The following CACNA2D3 variants were observed in gnomAD, a reference collection of about 807,000 sequenced individuals.
The protein encoded by CACNA2D3 is calcium voltage-gated channel auxiliary subunit alpha2delta 3.
CACNA2D3 carries 60 observed loss-of-function variants against 160.6 expected under a neutral mutation model. The ratio of observed to expected loss-of-function variants is 0.37; its 90% CI spans 0.30 to 0.46. The LOEUF is 0.46. Among genes scored for constraint, CACNA2D3 ranks in the 20% least tolerant of loss-of-function variants. The probability of loss-of-function intolerance (pLI) is 1.00; values close to 1 mark genes in which losing one functional copy is unlikely to be tolerated. For synonymous variants in CACNA2D3, 558 were observed against 492.9 expected (o/e 1.13, Z -1.75); for missense variants, 1,205 against 1,365.0 (o/e 0.88, Z 1.85).
chr3:54,359,841 T>C (rs1224696368), intron 3 of CACNA2D3, among the ~76,000 whole-genome samples: 1 of 152,204 alleles, frequency 6.6e-6, no homozygotes, highest in Non-Finnish European at 1.5e-5. Context: ...TGAATTTCCC[T>C]GAAGTAGCTT....
At chr3:54,621,572 T>C (rs1014621360) in intron 9 of CACNA2D3, among the ~76,000 whole-genome samples, 5 of 152,252 alleles carry the variant, frequency 3.3e-5, no homozygotes, top group Non-Finnish European at 5.9e-5. Context: ...ACTGTCACCA[T>C]TTCCAATAAA....
chr3:54,468,647 C>A (rs1368338218), intron 4 of CACNA2D3, among the ~76,000 whole-genome samples: 1 of 152,152 alleles, frequency 6.6e-6, no homozygotes, highest in Non-Finnish European at 1.5e-5. Context: ...AGATCCCACC[C>A]CCACGGAGTC....
intron 5 of CACNA2D3, among the ~76,000 whole-genome samples, chr3:54,506,273 CAG>C (rs1701368710): frequency 6.6e-6 from 1 of 152,124 alleles, no homozygotes; most frequent in African/African-American, 2.4e-5. Context: ...AACAAATGCT[CAG>C]AGATTGGTCA....
Position 54,587,266 on chromosome 3 carries a change from T to TAA in CACNA2D3, c.963+5389_963+5390insAA, listed in dbSNP as rs1202097124. ...AAACCTCTACCAAGACTGATAAAAA[T>TAA]GAAGAGAGGGGCAGGCGCGGTGGCT... On this transcript the variant is annotated intron_variant, in intron 9 of 37. Transcript: ENST00000474759. Among the ~76,000 whole-genome samples, 7 of 62,676 alleles carry TAA rather than the reference T, an allele frequency of 1.1e-4. No homozygotes were observed. The East Asian group carries it at 2.1e-3, about 19-fold the overall frequency. The allele number at this position is 62,676 out of a possible 152,430, so 41.1% of individuals were successfully genotyped here. A position where few individuals can be genotyped will look rare whatever the true frequency, so the allele number is the denominator to read the frequency against.
At chr3:54,883,465 T>C (rs943147176) in intron 21 of CACNA2D3, among the ~76,000 whole-genome samples, 7 of 152,178 alleles carry the variant, frequency 4.6e-5, no homozygotes, top group Admixed American at 1.3e-4. Flanking sequence ...TAGAAAGCAA[T>C]TAAATTTCCT....
At chr3:54,763,777 G>GCA in intron 12 of CACNA2D3, among the ~76,000 whole-genome samples, 1 of 14,126 alleles carries the variant, frequency 7.1e-5, no homozygotes, top group South Asian at 1.5e-3. Flanking sequence ...ATGTATATAT[G>GCA]TACATATATA....
Position 55,015,457 on chromosome 3 carries a change from G to C in CACNA2D3, c.2876-2749G>C, listed in dbSNP as rs73071981. Among the ~76,000 whole-genome samples the C allele has an allele frequency of 7.2e-3, 1,090 of 152,278 alleles. 10 individuals carry two copies. Among genetic ancestry groups the C allele is most frequent in the South Asian group, 0.029 (140 of 4,822 alleles). ...TAAGCAGGACAGCATCTGGAACGCA[G>C]CAATTTCTTCATAAATGTAGCTGTT... On this transcript the variant is annotated intron_variant, in intron 34 of 37. Coordinates refer to ENST00000474759, the MANE Select transcript of CACNA2D3 (RefSeq NM_018398.3).
Position 54,783,064 on chromosome 3 carries a change from C to T in CACNA2D3, c.1380+18713C>T, listed in dbSNP as rs180964399. ...TTTTGCCTAAGGAAATGGGATAATTCATGGAACAAATGGAATTCAACCTTG... is the reference window on the plus strand; with the variant it reads ...TTTTGCCTAAGGAAATGGGATAATTTATGGAACAAATGGAATTCAACCTTG... On this transcript the variant is annotated intron_variant, in intron 13 of 37. Coordinates refer to ENST00000474759, the MANE Select transcript of CACNA2D3 (RefSeq NM_018398.3). 6.6e-5 allele frequency among the ~76,000 whole-genome samples: 10 copies of T among 152,254 alleles called. No homozygotes were observed. In the East Asian group the frequency reaches 1.9e-3, roughly 29 times the overall value.
chr3:54,350,966 C>CGGTTTTTTTTTTTTTTTTTTT (rs1559457706), intron 3 of CACNA2D3, among the ~76,000 whole-genome samples: 2 of 63,300 alleles, frequency 3.2e-5, no homozygotes, highest in Non-Finnish European at 7.2e-5. Flanking sequence ...GATCTTGAGT[C>CGGTTTTTTTTTTTTTTTTTTT]TGTTTTTTTT....
chr3:54,379,468 G>A (rs1328190960), intron 3 of CACNA2D3, among the ~76,000 whole-genome samples: 2 of 152,228 alleles, frequency 1.3e-5, no homozygotes, highest in African/African-American at 4.8e-5. Context: ...TAAGGTTTCA[G>A]CTATGACTCT....
chr3:55,034,681 C>G (rs1703773781), intron 35 of CACNA2D3, among the ~76,000 whole-genome samples: 1 of 152,092 alleles, frequency 6.6e-6, no homozygotes, highest in Non-Finnish European at 1.5e-5. Context: ...TATTTTATAA[C>G]ATGCCTTTTT....
chr3:54,592,007 T>A (rs1702869491), intron 9 of CACNA2D3, among the ~76,000 whole-genome samples: 1 of 152,162 alleles, frequency 6.6e-6, no homozygotes, highest in African/African-American at 2.4e-5. Context: ...TAGGACTGTT[T>A]TCCTGGTGGC....
chr3:54,481,166 T>A (rs942062422), intron 4 of CACNA2D3, among the ~76,000 whole-genome samples: 3 of 152,190 alleles, frequency 2.0e-5, no homozygotes, highest in Non-Finnish European at 4.4e-5. Flanking sequence ...GAGTGGCCTC[T>A]GGCTAGGCTG....
At chr3:54,924,628 C>T in intron 27 of CACNA2D3, 1 of 1,613,508 alleles carries the variant, frequency 6.2e-7, no homozygotes, top group Non-Finnish European at 8.5e-7. Flanking sequence ...CCTTTATAGA[C>T]AAATTTCTCC....
chr3:54,571,756 C>T (rs1050730624), intron 8 of CACNA2D3, among the ~76,000 whole-genome samples: 1 of 152,002 alleles, frequency 6.6e-6, no homozygotes, highest in African/African-American at 2.4e-5. Flanking sequence ...TGGTGATGGG[C>T]GCAGAGCCTG....
intron 31 of CACNA2D3, among the ~76,000 whole-genome samples, chr3:55,002,176 A>G (rs1191059328): frequency 6.6e-6 from 1 of 151,066 alleles, no homozygotes; most frequent in Non-Finnish European, 1.5e-5. Flanking sequence ...AAAAAAAAAG[A>G]ATGTACCCTG....
At chr3:54,533,668 C>G (rs1385079219) in intron 5 of CACNA2D3, among the ~76,000 whole-genome samples, 1 of 152,078 alleles carries the variant, frequency 6.6e-6, no homozygotes, top group Non-Finnish European at 1.5e-5. Flanking sequence ...ATCATGCTCA[C>G]TCAAAAGAGG....
chr3:54,797,410 C>G (rs181012225), intron 13 of CACNA2D3, among the ~76,000 whole-genome samples: 8 of 152,080 alleles, frequency 5.3e-5, no homozygotes, highest in Non-Finnish European at 8.8e-5. Flanking sequence ...GGTAGAAGCC[C>G]GTGTCACTGT....
intron 2 of CACNA2D3, among the ~76,000 whole-genome samples, chr3:54,149,298 C>T (rs1389813981): frequency 6.6e-6 from 1 of 151,134 alleles, no homozygotes; most frequent in Non-Finnish European, 1.5e-5. Context: ...CACACACACA[C>T]ATATGTGTGG....
Sources: allele counts gnomAD v4.1 joint callset (sites outside exome capture counted in the v4.1 genomes callset), GRCh38; gene constraint gnomAD v4.1.1; transcripts MANE v1.5; gene names NCBI Gene and HGNC (gene_info 2026-07-23, HGNC 2026-07-21).